ADGRL2: variants seen among roughly 807,000 people sequenced by gnomAD.
ADGRL2 encodes adhesion G protein-coupled receptor L2.
Under a neutral mutation model 157.4 loss-of-function variants are expected in ADGRL2, and 44 were observed. That is an observed-to-expected ratio of 0.28 (90% CI 0.22 to 0.36). The LOEUF (loss-of-function observed/expected upper bound fraction) is 0.36, where lower values mean the gene tolerates loss of function less well. Among genes scored for constraint, ADGRL2 ranks in the 10% least tolerant of loss-of-function variants. The pLI, the probability that ADGRL2 is intolerant of heterozygous loss-of-function variation, is 1.00. For synonymous variants in ADGRL2, 585 were observed against 624.7 expected, an observed-to-expected ratio of 0.94 and a Z score of 0.95; for missense variants, 1,510 against 1,768.9, an observed-to-expected ratio of 0.85 and a Z score of 2.63.
intron 2 of ADGRL2, among the ~76,000 whole-genome samples, chr1:81,852,414 CT>C (rs772357288): frequency 1.3e-5 from 2 of 151,992 alleles, no homozygotes; most frequent in Non-Finnish European, 2.9e-5. Context: ...ACTTATGAAT[CT>C]AATCTGAGAT....
At chr1:81,750,034 G>A (rs1172614867) in intron 1 of ADGRL2, among the ~76,000 whole-genome samples, 1 of 152,184 alleles carries the variant, frequency 6.6e-6, no homozygotes, top group South Asian at 2.1e-4. Context: ...AGTCTAGTTA[G>A]AATTTTTTTA....
At chr1:81,681,721 T>C (rs1570817663) in intron 3 of ADGRL2, among the ~76,000 whole-genome samples, 1 of 152,170 alleles carries the variant, frequency 6.6e-6, no homozygotes, top group East Asian at 1.9e-4. Flanking sequence ...ATTGTTTTCC[T>C]CACCATATGC....
chr1:81,423,499 T>G (rs1055394653), intron 1 of ADGRL2, among the ~76,000 whole-genome samples: 1 of 152,128 alleles, frequency 6.6e-6, no homozygotes. Flanking sequence ...CTTGAAAGGA[T>G]CTGTGTAACT....
intron 2 of ADGRL2, among the ~76,000 whole-genome samples, chr1:81,551,743 G>A (rs1396145722): frequency 1.3e-5 from 2 of 152,090 alleles, no homozygotes; most frequent in Admixed American, 6.6e-5. Flanking sequence ...ATATCTTTGA[G>A]TATGACTACC....
intron 1 of ADGRL2, among the ~76,000 whole-genome samples, chr1:81,813,626 A>C (rs2090094854): frequency 6.6e-6 from 1 of 151,762 alleles, no homozygotes; most frequent in African/African-American, 2.4e-5. Context: ...TAGGATTAAG[A>C]TGGTATGTTT....
intron 1 of ADGRL2, among the ~76,000 whole-genome samples, chr1:81,806,966 G>A (rs1339848173): frequency 6.6e-6 from 1 of 151,944 alleles, no homozygotes; most frequent in African/African-American, 2.4e-5. Context: ...CGCATTTGAT[G>A]TCTGTCTGCT....
chr1:81,502,643 G>A, intron 2 of ADGRL2: 1 of 1,614,026 alleles, frequency 6.2e-7, no homozygotes, highest in South Asian at 1.1e-5. Context: ...CACCAGCGCT[G>A]CCTTCACCCT....
At chr1:81,438,963 C>T (rs2077458364) in intron 1 of ADGRL2, among the ~76,000 whole-genome samples, 1 of 152,098 alleles carries the variant, frequency 6.6e-6, no homozygotes, top group Non-Finnish European at 1.5e-5. Flanking sequence ...GTCCTGCTAA[C>T]TTCTACCCAT....
At chr1:81,454,095 ATG>A (rs765136242) in intron 2 of ADGRL2, among the ~76,000 whole-genome samples, 77 of 152,226 alleles carry the variant, frequency 5.1e-4, no homozygotes, top group Non-Finnish European at 9.9e-4. Context: ...GAAAGTTTTG[ATG>A]CTATTTTGTC....
chr1:81,747,128 T>TATAC (rs1557616239), intron 1 of ADGRL2, among the ~76,000 whole-genome samples: 1 of 144,096 alleles, frequency 6.9e-6, no homozygotes, highest in Non-Finnish European at 1.5e-5. Context: ...TGTGTATATA[T>TATAC]GTATATATGT....
intron 2 of ADGRL2, among the ~76,000 whole-genome samples, chr1:81,512,475 T>C (rs1055729779): frequency 3.3e-5 from 5 of 152,184 alleles, no homozygotes; most frequent in Non-Finnish European, 5.9e-5. Context: ...CCATATTTGC[T>C]TCATTTTTAA....
chr1:81,862,753 C>G (rs3790931), intron 2 of ADGRL2, among the ~76,000 whole-genome samples: 20,433 of 152,114 alleles, frequency 0.13, 1,541 homozygotes, highest in East Asian at 0.19. Context: ...TTACCACTTT[C>G]GCCTCTACCA....
intron 3 of ADGRL2, among the ~76,000 whole-genome samples, chr1:81,604,203 G>A (rs1465535826): frequency 6.6e-6 from 1 of 152,096 alleles, no homozygotes; most frequent in East Asian, 1.9e-4. Flanking sequence ...GACCTCAAGT[G>A]ATCTGCCCAC....
chr1:81,441,808 G>A (rs2077512638), intron 1 of ADGRL2, among the ~76,000 whole-genome samples: 1 of 152,012 alleles, frequency 6.6e-6, no homozygotes. Context: ...AAAGTGCTGG[G>A]ATTATAGGTG....
chr1:81,887,357 C>T (rs903448826), intron 2 of ADGRL2, among the ~76,000 whole-genome samples: 1 of 152,126 alleles, frequency 6.6e-6, no homozygotes, highest in Non-Finnish European at 1.5e-5. Context: ...AAAGTTTAGA[C>T]TAGAGCAGTG....
chr1:81,764,901 C>T (rs564547546), intron 2 of ADGRL2, among the ~76,000 whole-genome samples: 3 of 152,072 alleles, frequency 2.0e-5, no homozygotes, highest in Admixed American at 6.5e-5. Flanking sequence ...ATGAAAAAGA[C>T]TGTAATGATT....
At chr1:81,387,406 C>A (rs767971360) in intron 1 of ADGRL2, among the ~76,000 whole-genome samples, 1 of 151,972 alleles carries the variant, frequency 6.6e-6, no homozygotes, top group Non-Finnish European at 1.5e-5. Flanking sequence ...TGCTGAATTG[C>A]CCAAATAATC....
chr1:81,452,533 A>G (rs766468967), intron 2 of ADGRL2, among the ~76,000 whole-genome samples: 4 of 152,196 alleles, frequency 2.6e-5, no homozygotes, highest in Non-Finnish European at 5.9e-5. Context: ...CCCATCCCCA[A>G]GCAAGCAGGA....
chr1:81,516,412 T>G (rs1434922996), intron 2 of ADGRL2, among the ~76,000 whole-genome samples: 1 of 152,150 alleles, frequency 6.6e-6, no homozygotes, highest in Non-Finnish European at 1.5e-5. Flanking sequence ...GTTCCAAGAT[T>G]CTTTGTTATT....
Sources: allele counts gnomAD v4.1 joint callset (sites outside exome capture counted in the v4.1 genomes callset), GRCh38; gene constraint gnomAD v4.1.1; transcripts MANE v1.5; gene names NCBI Gene and HGNC (gene_info 2026-07-23, HGNC 2026-07-21).